NRG3: variants seen among roughly 807,000 people sequenced by gnomAD.
The protein encoded by NRG3 is neuregulin 3, also known as pro-neuregulin-3, membrane-bound isoform.
In NRG3, 31 loss-of-function variants were observed where a neutral mutation model predicts 66.9. The observed-to-expected ratio is 0.46, with a 90% CI of 0.35 to 0.63. The LOEUF (loss-of-function observed/expected upper bound fraction) is 0.63, where lower values mean the gene tolerates loss of function less well. NRG3 is among the 20% of genes least tolerant of loss of function. NRG3 has a pLI of 0.00. For missense variants in NRG3, 910 were observed against 878.9 expected (o/e 1.04, Z -0.45); for synonymous variants, 393 against 359.4 (o/e 1.09, Z -1.06).
At chr10:82,772,704 CTTTTTTTTTTTTT>C (rs745609399) in intron 3 of NRG3, among the ~76,000 whole-genome samples, 1 of 111,730 alleles carries the variant, frequency 9.0e-6, no homozygotes, top group Non-Finnish European at 1.8e-5. Flanking sequence ...GCTTCCATAT[CTTTTTTTTTTTTT>C]TTTTTTTTGA....
intron 4 of NRG3, among the ~76,000 whole-genome samples, chr10:82,910,189 A>T (rs1046165918): frequency 6.6e-6 from 1 of 152,212 alleles, no homozygotes; most frequent in African/African-American, 2.4e-5. Flanking sequence ...ATTTGTAAAG[A>T]CTTGTGATAA....
intron 4 of NRG3, among the ~76,000 whole-genome samples, chr10:82,896,539 G>T (rs183026019): frequency 6.6e-6 from 1 of 152,260 alleles, no homozygotes; most frequent in East Asian, 1.9e-4. Flanking sequence ...TCTAAAAGCA[G>T]ATTTTAATGA....
At chr10:81,920,406 GCCCCCACCACTAGGGGGCCTC>G (rs1846147695) in intron 1 of NRG3, among the ~76,000 whole-genome samples, 1 of 151,892 alleles carries the variant, frequency 6.6e-6, no homozygotes, top group Admixed American at 6.6e-5. Context: ...CCTAATCTTA[GCCCCCACCACTAGGGGGCCTC>G]CCTCTAGTCT....
chr10:81,936,388 T>G, intron 1 of NRG3, among the ~76,000 whole-genome samples: 1 of 151,990 alleles, frequency 6.6e-6, no homozygotes, highest in Non-Finnish European at 1.5e-5. Context: ...TCTGGAGAGG[T>G]AGCTTAGAAT....
intron 2 of NRG3, among the ~76,000 whole-genome samples, chr10:82,694,359 G>A (rs1233309854): frequency 3.3e-5 from 5 of 152,176 alleles, no homozygotes; most frequent in Non-Finnish European, 5.9e-5. Context: ...ATAGGTTTGG[G>A]GGAACTTTTA....
chr10:82,972,976 C>A (rs1348437379), intron 6 of NRG3, among the ~76,000 whole-genome samples: 2 of 152,158 alleles, frequency 1.3e-5, no homozygotes, highest in Non-Finnish European at 2.9e-5. Flanking sequence ...TCAAAACTCT[C>A]TTTTATTTTG....
chr10:82,022,478 T>C (rs2062106117), intron 1 of NRG3, among the ~76,000 whole-genome samples: 1 of 152,110 alleles, frequency 6.6e-6, no homozygotes, highest in African/African-American at 2.4e-5. Context: ...GTTAAGAGAA[T>C]AGTTTGATAT....
intron 2 of NRG3, among the ~76,000 whole-genome samples, chr10:82,621,699 A>G (rs899679521): frequency 2.6e-5 from 4 of 152,164 alleles, no homozygotes; most frequent in African/African-American, 9.7e-5. Flanking sequence ...AGCTACCCTT[A>G]CTAACCTGCT....
intron 2 of NRG3, among the ~76,000 whole-genome samples, chr10:82,640,250 G>C (rs1331881943): frequency 6.6e-6 from 1 of 152,156 alleles, no homozygotes; most frequent in Non-Finnish European, 1.5e-5. Context: ...CAAAGACATA[G>C]CATCAACCCA....
intron 2 of NRG3, among the ~76,000 whole-genome samples, chr10:82,701,617 A>G (rs78174574): frequency 6.6e-6 from 1 of 152,188 alleles, no homozygotes; most frequent in East Asian, 1.9e-4. Flanking sequence ...TTTCAAAAGC[A>G]TACTCTACAC....
chr10:82,721,452 C>A (rs2057317464), intron 2 of NRG3, among the ~76,000 whole-genome samples: 1 of 140,118 alleles, frequency 7.1e-6, no homozygotes, highest in Admixed American at 7.2e-5. Context: ...AACAGAGTTT[C>A]ACTCTTGTCG....
At chr10:82,172,300 T>A (rs2072686287) in intron 1 of NRG3, among the ~76,000 whole-genome samples, 1 of 152,108 alleles carries the variant, frequency 6.6e-6, no homozygotes, top group Admixed American at 6.6e-5. Flanking sequence ...AACCGTGTTG[T>A]CTAAAAGGCT....
chr10:82,539,948 T>G (rs2043421680), intron 2 of NRG3, among the ~76,000 whole-genome samples: 1 of 152,194 alleles, frequency 6.6e-6, no homozygotes, highest in Non-Finnish European at 1.5e-5. Context: ...TGCCGTTTTT[T>G]TATATTAATA....
At chr10:82,948,516 A>G (rs1424128692) in intron 4 of NRG3, among the ~76,000 whole-genome samples, 3 of 152,106 alleles carry the variant, frequency 2.0e-5, no homozygotes, top group African/African-American at 7.2e-5. Context: ...CAATCTGTCT[A>G]TCATCTTGGG....
Position 82,395,882 on chromosome 10 carries a change from A to G in NRG3, c.953+37014A>G, listed in dbSNP as rs79252683. On this transcript the variant is annotated intron_variant, in intron 2 of 8. Coordinates refer to ENST00000372141, the MANE Select transcript of NRG3 (RefSeq NM_001010848.4). ...TTTAAACATTTTTGTCAAAACATTG[A>G]AAATGCTCTTACCATTAGATATAGA... Among the ~76,000 whole-genome samples, 438 of 152,342 alleles carry G rather than the reference A, an allele frequency of 2.9e-3. 1 individual carries two copies. Among genetic ancestry groups the G allele is most frequent in the African/African-American group, 0.01 (420 of 41,598 alleles).
chr10:82,750,083 G>C (rs969306687), intron 3 of NRG3, among the ~76,000 whole-genome samples: 6 of 152,124 alleles, frequency 3.9e-5, no homozygotes, highest in African/African-American at 1.2e-4. Context: ...TTTCCTAAAT[G>C]AATCTATTTA....
intron 4 of NRG3, among the ~76,000 whole-genome samples, chr10:82,902,275 C>A (rs1187018951): frequency 2.0e-5 from 3 of 152,106 alleles, no homozygotes; most frequent in Admixed American, 6.6e-5. Context: ...GTTTGAAGAT[C>A]ATTTAAGCAG....
At chr10:82,679,174 T>G (rs1217169037) in intron 2 of NRG3, among the ~76,000 whole-genome samples, 2 of 152,132 alleles carry the variant, frequency 1.3e-5, no homozygotes, top group Admixed American at 6.5e-5. Context: ...GCTCAGGAAG[T>G]GTTGGATCTT....
At chr10:82,680,310 T>G (rs1340116423) in intron 2 of NRG3, among the ~76,000 whole-genome samples, 1 of 152,182 alleles carries the variant, frequency 6.6e-6, no homozygotes, top group African/African-American at 2.4e-5. Context: ...TTTATGTTAG[T>G]CTCTTGACTG....
Sources: gnomAD v4.1 joint callset for allele counts (sites outside exome capture counted in the v4.1 genomes callset) on GRCh38, gnomAD v4.1.1 for gene constraint, MANE v1.5 for transcripts, NCBI Gene and HGNC (gene_info 2026-07-23, HGNC 2026-07-21) for gene names.